GSK3A: variants seen among roughly 807,000 people sequenced by gnomAD.
GSK3A encodes the protein glycogen synthase kinase-3 alpha.
A neutral mutation model predicts 56.6 loss-of-function variants in GSK3A; 14 were observed. The ratio of observed to expected loss-of-function variants is 0.25; its 90% confidence interval spans 0.16 to 0.39. GSK3A has a LOEUF of 0.39. Among genes scored for constraint, GSK3A ranks in the 10% least tolerant of loss-of-function variants. The pLI is 1.00. For synonymous variants in GSK3A, 301 were observed against 285.0 expected (o/e 1.06, Z -0.56); for missense variants, 450 against 656.0 (o/e 0.69, Z 3.43).
At chr19:42,235,500 C>A (rs2146937454) in intron 4 of GSK3A, among the ~76,000 whole-genome samples, 1 of 152,268 alleles carries the variant, frequency 6.6e-6, no homozygotes, top group South Asian at 2.1e-4. Context: ...CTGCTGCATC[C>A]CCCAGGGCCT....
chr19:42,230,932 A>G, intron 10 of GSK3A, 65 bp from the exon 11 acceptor site: 1 of 1,015,964 alleles, frequency 9.8e-7, no homozygotes, highest in Admixed American at 2.0e-5. Context: ...CGCCCAACCC[A>G]AAAGTAGGAA....
rs34452258 is a variant in GSK3A at position 42,237,162 on chromosome 19, A to ATT, written c.472-223_472-222dup. ...GCCACAGATGTGTTTTCTTCACCCCATTTTTTTTTTTTTTTGAGACAGAGT... is the reference window on the plus strand; with the variant it reads ...GCCACAGATGTGTTTTCTTCACCCCATTTTTTTTTTTTTTTTTGAGACAGAGT... On this transcript the variant is annotated intron_variant, in intron 2 of 10. Coordinates refer to ENST00000222330, the MANE Select transcript of GSK3A (RefSeq NM_019884.3). Among the ~76,000 whole-genome samples the ATT allele has an allele frequency of 1.1e-3, 151 of 140,086 alleles. 1 individual carries two copies. Among genetic ancestry groups the ATT allele is most frequent in the Admixed American group, 2.3e-3 (32 of 14,222 alleles). The allele number at this position is 140,086 out of a possible 152,430, so 91.9% of individuals were successfully genotyped here. A position where few individuals can be genotyped will look rare whatever the true frequency, so the allele number is the denominator to read the frequency against.
At chr19:42,233,477 G>A (rs2036237904) in intron 6 of GSK3A, 94 bp from the exon 7 acceptor site, 1 of 824,466 alleles carries the variant, frequency 1.2e-6, no homozygotes, top group South Asian at 1.7e-5. Flanking sequence ...AGAGTGTCAG[G>A]AGCCCCGTTT....
intron 2 of GSK3A, among the ~76,000 whole-genome samples, chr19:42,238,822 A>G (rs2036274433): frequency 6.6e-6 from 1 of 151,756 alleles, no homozygotes; most frequent in Admixed American, 6.6e-5. Context: ...AAAAAAAATT[A>G]GCCAGGCATA....
rs764142597 is a variant in GSK3A at position 42,236,924 on chromosome 19, G to A, written c.489C>T (p.Ile163=). 5.0e-6 allele frequency: 8 copies of A among 1,611,584 alleles called. No individual in the cohort carries two copies. The Admixed American group carries it at 1.3e-4, about 27-fold the overall frequency. The change falls in exon 3 of 11, where the codon ATC becomes ATT. Residue 163 remains isoleucine, a synonymous_variant. Coordinates refer to ENST00000222330, the MANE Select transcript of GSK3A (RefSeq NM_019884.3). ...DKRFKNRELQ[I]MRKLDHCNIV... ...TATTGCAGTGGTCCAGCTTACGCAT[G>A]ATCTGCAGCTCTCGGTTCTTGAGGG...
intron 1 of GSK3A, 51 bp downstream of exon 1, chr19:42,242,132 G>C (rs1054814172): frequency 4.7e-6 from 6 of 1,285,676 alleles, no homozygotes; most frequent in Admixed American, 8.1e-5. Flanking sequence ...GATGTCTGAG[G>C]AGCTTTGGGA....
chr19:42,230,406 T>G lies in GSK3A; in HGVS notation c.*388A>C. 4.8e-6 allele frequency: 1 copy of G among 207,392 alleles called. No homozygotes were observed. Among genetic ancestry groups the G allele is most frequent in the Non-Finnish European group, 9.8e-6 (1 of 102,232 alleles). The allele number at this position is 207,392 out of a possible 1,614,324, so 12.8% of individuals were successfully genotyped here. A position where few individuals can be genotyped will look rare whatever the true frequency, so the allele number is the denominator to read the frequency against. Reference sequence around the variant, plus strand: ...ATCGACGTTTTCTTTAAGAAAAAAATTATAACAATCTATTTACACCCGGGG... The same window carrying G: ...ATCGACGTTTTCTTTAAGAAAAAAAGTATAACAATCTATTTACACCCGGGG... On this transcript the variant is annotated 3_prime_UTR_variant, in exon 11 of 11. Coordinates refer to ENST00000222330, the MANE Select transcript of GSK3A (RefSeq NM_019884.3).
chr19:42,233,259 C>T (rs374812848), intron 7 of GSK3A, 27 bp downstream of exon 7: 89 of 1,478,362 alleles, frequency 6.0e-5, no homozygotes, highest in Admixed American at 2.1e-4. Flanking sequence ...AGCCCCACCC[C>T]CTGCCCAGCC....
chr19:42,242,601 G>T lies in GSK3A; in HGVS notation c.-136C>A. ...TGGCTTGGGCTCCGGCTCCGGCCCA[G>T]CGCCCGCCGCGGGGCACGCCGGGAG... is the stretch of plus-strand genomic sequence containing the variant. On this transcript the variant is annotated 5_prime_UTR_variant, in exon 1 of 11. It adds an upstream start codon to the 5' untranslated region. Coordinates refer to ENST00000222330, the MANE Select transcript of GSK3A (RefSeq NM_019884.3). The T allele has an allele frequency of 1.4e-6, 1 of 717,882 alleles. No homozygotes were observed. Among genetic ancestry groups the T allele is most frequent in the Non-Finnish European group, 1.9e-6 (1 of 520,682 alleles). The allele number at this position is 717,882 out of a possible 1,614,324, so 44.5% of individuals were successfully genotyped here.
At position 42,242,510 on chromosome 19, in the gene GSK3A, C is replaced by G. The variant is rs922472504; in HGVS notation, c.-45G>C. 4.7e-6 allele frequency: 5 copies of G among 1,059,888 alleles called. No homozygotes were observed. Among genetic ancestry groups the G allele is most frequent in the Non-Finnish European group, 5.7e-6 (5 of 880,032 alleles). 65.7% of individuals were successfully genotyped at this position (1,059,888 alleles called of 1,614,324 possible). A position where few individuals can be genotyped will look rare whatever the true frequency, so the allele number is the denominator to read the frequency against. Reference sequence around the variant, plus strand: ...GGCTGCGGGGCTCGGGCTGCCCGGGCTGCCCCAGCCGCCGCCGCTGCCGCC... The same window carrying G: ...GGCTGCGGGGCTCGGGCTGCCCGGGGTGCCCCAGCCGCCGCCGCTGCCGCC... On this transcript the variant is annotated 5_prime_UTR_variant, in exon 1 of 11. Coordinates refer to ENST00000222330, the MANE Select transcript of GSK3A (RefSeq NM_019884.3).
At position 42,235,000 on chromosome 19, in the gene GSK3A, A is replaced by G. The variant is rs1057264214; in HGVS notation, c.667-322T>C. Among the ~76,000 whole-genome samples, 2 of 152,056 alleles carry G rather than the reference A, an allele frequency of 1.3e-5. No homozygotes were observed. Among genetic ancestry groups the G allele is most frequent in the African/African-American group, 2.4e-5 (1 of 41,374 alleles). ...AAATTAGCCGGGCGTGGTGGTGCAC[A>G]CCTGTAATCCCAGCTACTCGGGAGG... On this transcript the variant is annotated intron_variant, in intron 4 of 10. Transcript: ENST00000222330. This position sits in a 1 kb window ranked among gnomAD's most constrained non-coding sequence, Gnocchi z 5.7.
At position 42,234,843 on chromosome 19, in the gene GSK3A, A is replaced by G. The variant is rs949097954; in HGVS notation, c.667-165T>C. Among the ~76,000 whole-genome samples, 2 of 152,198 alleles carry G rather than the reference A, an allele frequency of 1.3e-5. No homozygotes were observed. The highest frequency in any genetic ancestry group is 2.4e-5 in the African/African-American group (1 of 41,434). Reference sequence around the variant, plus strand: ...CTTGGTTCTCTTAATGTGCACCACAATCACTTGAAGGACTTGTTAAAACAG... The same window carrying G: ...CTTGGTTCTCTTAATGTGCACCACAGTCACTTGAAGGACTTGTTAAAACAG... On this transcript the variant is annotated intron_variant, in intron 4 of 10. Coordinates refer to ENST00000222330, the MANE Select transcript of GSK3A (RefSeq NM_019884.3). This position sits in a 1 kb window ranked among gnomAD's most constrained non-coding sequence, Gnocchi z 5.7.
Position 42,242,164 on chromosome 19 carries a change from G to C in GSK3A, c.283+19C>G. 10 of 1,359,212 alleles carry C rather than the reference G, an allele frequency of 7.4e-6. No homozygotes were observed. The highest frequency in any genetic ancestry group is 1.5e-5 in the African/African-American group (1 of 65,952). 84.2% of individuals were successfully genotyped at this position (1,359,212 alleles called of 1,614,324 possible). ...GGGAACCCTAATCACCACCCTACAC[G>C]GGCGCCACTAGTACTCACGGCCCAG... On this transcript the variant is annotated intron_variant, in intron 1 of 10. Transcript: ENST00000222330.
chr19:42,241,992 G>A (rs368500370), intron 1 of GSK3A, 191 bp downstream of exon 1: 2 of 426,810 alleles, frequency 4.7e-6, no homozygotes, highest in East Asian at 3.6e-5. Context: ...TCTGATCCAC[G>A]AGTAATTCTG....
At position 42,232,591 on chromosome 19, in the gene GSK3A, G is replaced by C; in HGVS notation, c.1190C>G (p.Ala397Gly). ...TPSSRLSPLE[A>G]CAHSFFDELR... ...TTCATCAAAGAAGCTGTGCGCACAG[G>C]CCTCTAGTGGGGAGAGCCTTGAGGA... The change falls in exon 9 of 11, where the codon GCC becomes GGC. Residue 397 changes from alanine to glycine, a missense_variant. Physicochemically the swap from Ala to Gly is moderately conservative, Grantham distance 60 (BLOSUM62 0). Transcript: ENST00000222330. 6.2e-7 allele frequency: 1 copy of C among 1,613,952 alleles called. No individual in the cohort carries two copies. Among genetic ancestry groups the C allele is most frequent in the Admixed American group, 1.7e-5 (1 of 60,004 alleles).
intron 4 of GSK3A, among the ~76,000 whole-genome samples, chr19:42,235,726 T>C (rs889809736): frequency 6.6e-6 from 1 of 152,188 alleles, no homozygotes; most frequent in African/African-American, 2.4e-5. Context: ...ATTTAATAGT[T>C]TTCTGTGATG....
In GSK3A at chr19:42,242,258, C is replaced by A; in HGVS notation, c.208G>T (p.Gly70Cys). 7.0e-7 allele frequency: 1 copy of A among 1,434,148 alleles called. No homozygotes were observed. The highest frequency in any genetic ancestry group is 1.5e-5 in the African/African-American group (1 of 67,168). 88.8% of individuals were successfully genotyped at this position (1,434,148 alleles called of 1,614,324 possible). Residue 70 changes from glycine (G) to cysteine (C), a missense_variant, in exon 1 of 11, where the codon GGC becomes TGC. By Grantham distance (159) the Gly-to-Cys change is radical (BLOSUM62 -3). This residue lies in a region of GSK3A where 193 missense variants were observed against 200.5 expected (regional missense o/e 0.96). Transcript: ENST00000222330. Reference protein sequence around the residue: ...VGASSSGGGPGGSGGGGSGGP... With the variant: ...VGASSSGGGPCGSGGGGSGGP... ...CCGCTGCCTCCTCCGCCGCTGCCGC[C>A]GGGTCCACCCCCGGAGCTCGAGGCC...
At chr19:42,237,058 C>T in intron 2 of GSK3A, 117 bp from the exon 3 acceptor site, 1 of 739,654 alleles carries the variant, frequency 1.4e-6, no homozygotes, top group South Asian at 1.5e-5. Context: ...GCTCCAAGGT[C>T]CCCTGGAGTA....
chr19:42,233,262 G>GGGCCCCCC, intron 7 of GSK3A, 24 bp downstream of exon 7: 6 of 1,077,540 alleles, frequency 5.6e-6, no homozygotes, highest in Non-Finnish European at 6.9e-6. Context: ...CCCACCCCCT[G>GGGCCCCCC]CCCAGCCCAG....
Sources: gnomAD v4.1 joint callset for allele counts (sites outside exome capture counted in the v4.1 genomes callset) on GRCh38, gnomAD v4.1.1 for gene constraint, gnomAD v4.1.1 regional missense constraint, Gnocchi (gnomAD v3.1) non-coding constraint, MANE v1.5 for transcripts, NCBI Gene and HGNC (gene_info 2026-07-23, HGNC 2026-07-21) for gene names.